KPNA4: variants seen among roughly 807,000 people sequenced by gnomAD.
KPNA4 encodes karyopherin subunit alpha 4, also known as importin subunit alpha-3.
In KPNA4, 13 loss-of-function variants were observed where a neutral mutation model predicts 71.3. The ratio of observed to expected loss-of-function variants is 0.18; its 90% CI spans 0.12 to 0.29. KPNA4 has a LOEUF of 0.29. Among genes scored for constraint, KPNA4 ranks in the 10% least tolerant of loss-of-function variants. The pLI is 1.00. For missense variants in KPNA4, 334 were observed against 603.2 expected (o/e 0.55, Z 4.67); for synonymous variants, 189 against 195.2 (o/e 0.97, Z 0.26).
intron 1 of KPNA4, among the ~76,000 whole-genome samples, chr3:160,542,469 A>G (rs1353328471): frequency 6.6e-6 from 1 of 152,204 alleles, no homozygotes; most frequent in Non-Finnish European, 1.5e-5. Flanking sequence ...TATGACAATA[A>G]AAGGGAAAGT....
In KPNA4 at chr3:160,514,062, A is replaced by G; in HGVS notation, c.1137+15T>C. The G allele has an allele frequency of 7.0e-7, 1 of 1,435,890 alleles. No individual in the cohort carries two copies. The highest frequency in any genetic ancestry group is 9.5e-7 in the Non-Finnish European group (1 of 1,054,572). The allele number at this position is 1,435,890 out of a possible 1,614,324, so 88.9% of individuals were successfully genotyped here. On this transcript the variant is annotated intron_variant, in intron 13 of 16. Transcript: ENST00000334256. The stretch of plus-strand genomic sequence containing the variant: ...TTACATCAGATAAATGATACATATA[A>G]CATGATTTTCTTACCTTATCCAAAA...
At chr3:160,546,020 G>A (rs750981704) in intron 1 of KPNA4, among the ~76,000 whole-genome samples, 19 of 152,108 alleles carry the variant, frequency 1.2e-4, no homozygotes, top group Non-Finnish European at 2.1e-4. Flanking sequence ...ATAATGCATC[G>A]AATGAGATGT....
chr3:160,507,986 C>G (rs1721020459), intron 15 of KPNA4, 121 bp downstream of exon 15: 3 of 744,624 alleles, frequency 4.0e-6, no homozygotes, highest in East Asian at 5.7e-5. Flanking sequence ...ACAATATTTA[C>G]TTTATTCTGT....
intron 1 of KPNA4, among the ~76,000 whole-genome samples, chr3:160,561,964 A>G (rs1331834810): frequency 6.6e-6 from 1 of 152,148 alleles, no homozygotes; most frequent in African/African-American, 2.4e-5. Flanking sequence ...CTCTAGTTTT[A>G]CAGATGAAAG....
At position 160,565,399 on chromosome 3, in the gene KPNA4, C is replaced by A. The variant is rs566480836; in HGVS notation, c.-117G>T. On this transcript the variant is annotated 5_prime_UTR_variant, in exon 1 of 17. Transcript: ENST00000334256. ...GCCTGAGCTGCTGTGCCCGCCGCGC[C>A]GCCGCTTCCTTCCTCCTCTCACCTG... The A allele has an allele frequency of 2.4e-4, 192 of 799,472 alleles. 6 individuals carry two copies. In the South Asian group the frequency reaches 3.0e-3, roughly 13 times the overall value. 49.5% of individuals were successfully genotyped at this position (799,472 alleles called of 1,614,324 possible). A position where few individuals can be genotyped will look rare whatever the true frequency, so the allele number is the denominator to read the frequency against.
chr3:160,521,698 T>C, intron 11 of KPNA4, 81 bp downstream of exon 11: 7 of 1,266,398 alleles, frequency 5.5e-6, no homozygotes, highest in Non-Finnish European at 7.8e-6. Context: ...TTTAAACTAC[T>C]GAAATTGTCC....
intron 1 of KPNA4, among the ~76,000 whole-genome samples, chr3:160,553,441 T>A (rs1722079056): frequency 6.6e-6 from 1 of 151,996 alleles, no homozygotes; most frequent in African/African-American, 2.4e-5. Flanking sequence ...ACTAAGACAG[T>A]CAGTAGCAAG....
At chr3:160,511,398 C>A (rs1721091667) in intron 13 of KPNA4, among the ~76,000 whole-genome samples, 1 of 152,204 alleles carries the variant, frequency 6.6e-6, no homozygotes, top group African/African-American at 2.4e-5. Flanking sequence ...AGCCACTGCA[C>A]CCGGCCACTA....
chr3:160,564,863 G>A (rs1025780549), intron 1 of KPNA4, among the ~76,000 whole-genome samples: 2 of 150,132 alleles, frequency 1.3e-5, no homozygotes, highest in Non-Finnish European at 3.0e-5. Flanking sequence ...GGAAGGGGCC[G>A]CGGCCCGGCC....
chr3:160,537,029 T>C (rs1721706240), intron 1 of KPNA4, among the ~76,000 whole-genome samples, 189 bp from the exon 2 acceptor site: 1 of 151,994 alleles, frequency 6.6e-6, no homozygotes, highest in African/African-American at 2.4e-5. Flanking sequence ...CCCATTCATA[T>C]TGCAAAACAT....
chr3:160,543,094 CAG>C lies in KPNA4; in HGVS notation c.70-6256_70-6255del, dbSNP rs538244771. 2.3e-4 allele frequency among the ~76,000 whole-genome samples: 27 copies of C among 117,368 alleles called. No individual in the cohort carries two copies. In the East Asian group the frequency reaches 2.5e-3, roughly 11 times the overall value. The allele number at this position is 117,368 out of a possible 152,430, so 77.0% of individuals were successfully genotyped here. A position where few individuals can be genotyped will look rare whatever the true frequency, so the allele number is the denominator to read the frequency against. On this transcript the variant is annotated intron_variant, in intron 1 of 16. Coordinates refer to ENST00000334256, the MANE Select transcript of KPNA4 (RefSeq NM_002268.5). ...TAAAGAAGGGAAAAATCTGAATTCCCAGAGTTCTCTATATTCTTCTATCTTTT... is the reference window on the plus strand; with the variant it reads ...TAAAGAAGGGAAAAATCTGAATTCCCAGTTCTCTATATTCTTCTATCTTTT...
intron 7 of KPNA4, among the ~76,000 whole-genome samples, chr3:160,529,069 T>C (rs557780777): frequency 5.9e-5 from 9 of 152,154 alleles, no homozygotes; most frequent in African/African-American, 1.9e-4. Context: ...GTTGGGACTA[T>C]AGGTGCATGC....
rs752713796 is a variant in KPNA4, at chr3:160,500,901, C to T, written c.*1203G>A. The T allele has an allele frequency of 2.6e-5, 4 of 152,584 alleles. No homozygotes were observed. Among genetic ancestry groups the T allele is most frequent in the Admixed American group, 6.6e-5 (1 of 15,266 alleles). 9.5% of individuals were successfully genotyped at this position (152,584 alleles called of 1,614,324 possible). On this transcript the variant is annotated 3_prime_UTR_variant, in exon 17 of 17. Transcript: ENST00000334256. ...AAACAAGTAACATTTAAACACAGCA[C>T]GGTATTCTACCACAACTGAAACTTT...
chr3:160,519,695 T>C (rs551729003), intron 11 of KPNA4, among the ~76,000 whole-genome samples: 59 of 149,836 alleles, frequency 3.9e-4, no homozygotes, highest in Non-Finnish European at 7.5e-4. Context: ...CTGGGGAGGC[T>C]GAGGCAGGAG....
intron 16 of KPNA4, among the ~76,000 whole-genome samples, chr3:160,503,887 A>G (rs1233878698): frequency 6.6e-6 from 1 of 152,190 alleles, no homozygotes; most frequent in Admixed American, 6.5e-5. Context: ...GTTCAAGCTC[A>G]GCCAGGGCAA....
chr3:160,534,392 C>T (rs575567660), intron 5 of KPNA4, among the ~76,000 whole-genome samples: 1 of 152,154 alleles, frequency 6.6e-6, no homozygotes, highest in African/African-American at 2.4e-5. Flanking sequence ...TGCCTCTTCC[C>T]TTAAAATATG....
At chr3:160,519,523 G>A (rs912124950) in intron 11 of KPNA4, among the ~76,000 whole-genome samples, 9 of 152,088 alleles carry the variant, frequency 5.9e-5, no homozygotes, top group Non-Finnish European at 8.8e-5. Flanking sequence ...GGCCGGGCGC[G>A]GTGGCTCACG....
At chr3:160,555,118 A>C (rs772096393) in intron 1 of KPNA4, among the ~76,000 whole-genome samples, 22 of 152,302 alleles carry the variant, frequency 1.4e-4, no homozygotes, top group Middle Eastern at 3.4e-3. Context: ...AATTAAATTG[A>C]ATCAGTGGAT....
In KPNA4 at chr3:160,534,979, C is replaced by T. The variant is rs138671871; in HGVS notation, c.287+534G>A. Reference sequence around the variant, plus strand: ...CCTCACGATCCGCCCACCTCGGCCTCCCAAAGTGCTGGGATTACAGGTGTG... The same window carrying T: ...CCTCACGATCCGCCCACCTCGGCCTTCCAAAGTGCTGGGATTACAGGTGTG... On this transcript the variant is annotated intron_variant, in intron 5 of 16. Coordinates refer to ENST00000334256, the MANE Select transcript of KPNA4 (RefSeq NM_002268.5). 4.4e-3 allele frequency among the ~76,000 whole-genome samples: 672 copies of T among 152,024 alleles called. 7 individuals carry two copies. Among genetic ancestry groups the T allele is most frequent in the African/African-American group, 0.016 (647 of 41,532 alleles).
Sources: gnomAD v4.1 joint callset for allele counts (sites outside exome capture counted in the v4.1 genomes callset) on GRCh38, gnomAD v4.1.1 for gene constraint, MANE v1.5 for transcripts, NCBI Gene and HGNC (gene_info 2026-07-23, HGNC 2026-07-21) for gene names.